UGT1A4: variants seen among roughly 807,000 people sequenced by gnomAD.
UGT1A4 encodes the protein UDP-glucuronosyltransferase 1A4.
UGT1A4 carries 32 observed loss-of-function variants against 41.1 expected under a neutral mutation model. The observed-to-expected ratio is 0.78, with a 90% confidence interval of 0.59 to 1.05. UGT1A4 has a LOEUF of 1.05. Ranked by LOEUF, UGT1A4 falls within the 50% of genes least tolerant of loss-of-function variation. The pLI is 0.00. For missense variants in UGT1A4, 748 were observed against 677.4 expected, an observed-to-expected ratio of 1.10 and a Z score of -1.16; for synonymous variants, 283 against 265.1, an observed-to-expected ratio of 1.07 and a Z score of -0.66.
At position 233,755,143 on chromosome 2, in the gene UGT1A4, C is replaced by A. The variant is rs1695780518; in HGVS notation, c.868-11891C>A. On this transcript the variant is annotated intron_variant, in intron 1 of 4. Transcript: ENST00000373409. Reference sequence around the variant, plus strand: ...TCAGCCACCTGCTTGAATCTTCTCACCGCTTCCTCCCTGTCCTCGGGGTTT... The same window carrying A: ...TCAGCCACCTGCTTGAATCTTCTCAACGCTTCCTCCCTGTCCTCGGGGTTT... The A allele has an allele frequency of 1.1e-5, 14 of 1,305,072 alleles. No homozygotes were observed. The South Asian group carries it at 1.6e-4, about 15-fold the overall frequency. 80.8% of individuals were successfully genotyped at this position (1,305,072 alleles called of 1,614,324 possible). A position where few individuals can be genotyped will look rare whatever the true frequency, so the allele number is the denominator to read the frequency against.
chr2:233,736,227 C>T (rs757902126), intron 1 of UGT1A4, among the ~76,000 whole-genome samples: 1 of 152,164 alleles, frequency 6.6e-6, no homozygotes, highest in Non-Finnish European at 1.5e-5. Flanking sequence ...TCTTTTTTCT[C>T]TAACCTTGTC....
intron 1 of UGT1A4, chr2:233,748,151 T>G (rs1288204203): frequency 6.9e-6 from 11 of 1,604,706 alleles, no homozygotes; most frequent in Admixed American, 3.3e-5. Context: ...TTACTTACAA[T>G]TGCTTCCATA....
Position 233,720,841 on chromosome 2 carries a change from G to A in UGT1A4, c.867+1154G>A, listed in dbSNP as rs529446200. 1.9e-4 allele frequency among the ~76,000 whole-genome samples: 29 copies of A among 151,182 alleles called. 2 individuals carry two copies. Among genetic ancestry groups the A allele is most frequent in the Middle Eastern group, 6.9e-3 (2 of 290 alleles). ...CCACCTCAGTCTCCTGAGTAACTGG[G>A]ACTGCAGGCATGTGCCACTGCTCCT... On this transcript the variant is annotated intron_variant, in intron 1 of 4. Coordinates refer to ENST00000373409, the MANE Select transcript of UGT1A4 (RefSeq NM_007120.3).
chr2:233,735,336 G>GC (rs1210118835), intron 1 of UGT1A4, among the ~76,000 whole-genome samples: 3 of 151,898 alleles, frequency 2.0e-5, no homozygotes, highest in Non-Finnish European at 2.9e-5. Flanking sequence ...TGCAACCCCT[G>GC]CTTTTTTTTT....
Position 233,742,959 on chromosome 2 carries a change from T to C in UGT1A4, c.867+23272T>C, listed in dbSNP as rs191993803. ...TCCTACCACTAGCAAATAATCATTG[T>C]CTGCCTCAGGCTTAAGTTTAATAAA... is the stretch of plus-strand genomic sequence containing the variant. On this transcript the variant is annotated intron_variant, in intron 1 of 4. Coordinates refer to ENST00000373409, the MANE Select transcript of UGT1A4 (RefSeq NM_007120.3). 2.6e-4 allele frequency: 57 copies of C among 217,402 alleles called. No individual in the cohort carries two copies. In the East Asian group the frequency reaches 5.8e-3, roughly 22 times the overall value. The allele number at this position is 217,402 out of a possible 1,614,324, so 13.5% of individuals were successfully genotyped here.
In UGT1A4 at chr2:233,761,134, C is replaced by T. The variant is rs1160983011; in HGVS notation, c.868-5900C>T. ...TGTTGGTGGAATCAACTGCCTTCAC[C>T]AAAATCCACTATCCCAGGTGTGTAT... On this transcript the variant is annotated intron_variant, in intron 1 of 4. Coordinates refer to ENST00000373409, the MANE Select transcript of UGT1A4 (RefSeq NM_007120.3). 3.7e-6 allele frequency: 6 copies of T among 1,614,160 alleles called. No homozygotes were observed. Among genetic ancestry groups the T allele is most frequent in the Non-Finnish European group, 5.1e-6 (6 of 1,180,024 alleles).
chr2:233,767,370 A>G (rs1265140795), intron 2 of UGT1A4, among the ~76,000 whole-genome samples: 1 of 152,186 alleles, frequency 6.6e-6, no homozygotes, highest in Non-Finnish European at 1.5e-5. Context: ...CTATTAAACT[A>G]TGATCCACCA....
chr2:233,762,888 C>T (rs986387218), intron 1 of UGT1A4, among the ~76,000 whole-genome samples: 1 of 152,086 alleles, frequency 6.6e-6, no homozygotes, highest in African/African-American at 2.4e-5. Context: ...TTATAAATTC[C>T]ATGCCAAATA....
Position 233,758,775 on chromosome 2 carries a change from G to C in UGT1A4, c.868-8259G>C, listed in dbSNP as rs534171239. Among the ~76,000 whole-genome samples the C allele has an allele frequency of 2.6e-5, 4 of 152,252 alleles. No individual in the cohort carries two copies. In the East Asian group the frequency reaches 7.7e-4, roughly 29 times the overall value. On this transcript the variant is annotated intron_variant, in intron 1 of 4. Coordinates refer to ENST00000373409, the MANE Select transcript of UGT1A4 (RefSeq NM_007120.3). ...AGTGATGTGTATGGTTCAAATGTTGGGATCTGTGCAGTTATCTTGGAATTG... is the reference window on the plus strand; with the variant it reads ...AGTGATGTGTATGGTTCAAATGTTGCGATCTGTGCAGTTATCTTGGAATTG...
At position 233,728,984 on chromosome 2, in the gene UGT1A4, A is replaced by T. The variant is rs532880751; in HGVS notation, c.867+9297A>T. On this transcript the variant is annotated intron_variant, in intron 1 of 4. Transcript: ENST00000373409. ...AAACAGTGATAGATTAATGGTTAAT[A>T]ATTAACTAGAGGAGGGCACTCTGTC... 6.7e-5 allele frequency: 101 copies of T among 1,514,708 alleles called. 1 individual carries two copies. The South Asian group carries it at 1.2e-3, about 19-fold the overall frequency. The allele number at this position is 1,514,708 out of a possible 1,614,324, so 93.8% of individuals were successfully genotyped here.
At chr2:233,771,398 A>G (rs1700304180) in intron 4 of UGT1A4, 1 of 152,164 alleles carries the variant, frequency 6.6e-6, no homozygotes, top group Non-Finnish European at 1.5e-5. Context: ...TGATTGGGCA[A>G]TGAACACTGT....
intron 1 of UGT1A4, chr2:233,729,891 G>A: frequency 1.2e-6 from 2 of 1,613,886 alleles, no homozygotes; most frequent in Non-Finnish European, 1.7e-6. Flanking sequence ...CATCTGTGTG[G>A]CTGTTCCGAG....
chr2:233,772,801 T>A lies in UGT1A4; in HGVS notation c.*242T>A. ...CTTTGATCAGGATGACATGTGCCATTTTTCAGAGGACGTGCAGACAGGCTG... is the reference window on the plus strand; with the variant it reads ...CTTTGATCAGGATGACATGTGCCATATTTCAGAGGACGTGCAGACAGGCTG... On this transcript the variant is annotated 3_prime_UTR_variant, in exon 5 of 5. Coordinates refer to ENST00000373409, the MANE Select transcript of UGT1A4 (RefSeq NM_007120.3). The A allele has an allele frequency of 2.6e-6, 3 of 1,145,220 alleles. No homozygotes were observed. Among genetic ancestry groups the A allele is most frequent in the South Asian group, 3.5e-5 (2 of 57,704 alleles). 70.9% of individuals were successfully genotyped at this position (1,145,220 alleles called of 1,614,324 possible).
intron 3 of UGT1A4, 36 bp downstream of exon 3, chr2:233,767,972 G>C (rs1383669551): frequency 1.9e-6 from 3 of 1,613,998 alleles, no homozygotes; most frequent in Non-Finnish European, 2.5e-6. Context: ...GGTCAAACCA[G>C]GGTCAAATTA....
chr2:233,753,266 G>A (rs1351102535), intron 1 of UGT1A4: 2 of 152,220 alleles, frequency 1.3e-5, no homozygotes, highest in South Asian at 2.1e-4. Flanking sequence ...CAGGCACCTT[G>A]GAGCATGTTG....
intron 1 of UGT1A4, among the ~76,000 whole-genome samples, chr2:233,728,608 G>A (rs535590480): frequency 1.3e-5 from 2 of 152,290 alleles, no homozygotes; most frequent in South Asian, 4.2e-4. Context: ...CAGCCTCCAC[G>A]CTGTTCAGAG....
intron 1 of UGT1A4, chr2:233,754,837 T>G (rs1695606156): frequency 1.5e-6 from 2 of 1,344,356 alleles, no homozygotes; most frequent in South Asian, 2.3e-5. Flanking sequence ...GGAAATTCAC[T>G]GAAGGCAGAG....
At chr2:233,755,301 G>A in intron 1 of UGT1A4, 2 of 599,966 alleles carry the variant, frequency 3.3e-6, no homozygotes, top group Non-Finnish European at 5.2e-6. Context: ...CGGGGCACTG[G>A]CACAGCGAGC....
At chr2:233,724,279 G>T (rs1430028213) in intron 1 of UGT1A4, among the ~76,000 whole-genome samples, 8 of 142,700 alleles carry the variant, frequency 5.6e-5, no homozygotes, top group Non-Finnish European at 1.1e-4. Flanking sequence ...CGGCTGGCCG[G>T]GCGGGGGGCT....
Sources: allele counts gnomAD v4.1 joint callset (sites outside exome capture counted in the v4.1 genomes callset), GRCh38; gene constraint gnomAD v4.1.1; transcripts MANE v1.5; gene names NCBI Gene and HGNC (gene_info 2026-07-23, HGNC 2026-07-21).